CCDC157: variants seen among roughly 807,000 people sequenced by gnomAD.
CCDC157 encodes coiled-coil domain-containing protein 157.
CCDC157 carries 60 observed loss-of-function variants against 70.9 expected under a neutral mutation model. The observed-to-expected ratio is 0.85, with a 90% CI of 0.69 to 1.05. The LOEUF (loss-of-function observed/expected upper bound fraction) is 1.05, where lower values mean the gene tolerates loss of function less well. Ranked by LOEUF, CCDC157 falls within the 50% of genes least tolerant of loss-of-function variation. The pLI, the probability that CCDC157 is intolerant of heterozygous loss-of-function variation, is 0.00. For missense variants in CCDC157, 943 were observed against 984.2 expected, an observed-to-expected ratio of 0.96 and a Z score of 0.56; for synonymous variants, 373 against 422.4, an observed-to-expected ratio of 0.88 and a Z score of 1.43.
At chr22:30,374,881 T>C in intron 9 of CCDC157, 1 of 362,724 alleles carries the variant, frequency 2.8e-6, no homozygotes, top group East Asian at 8.0e-5. Flanking sequence ...GACAGCTCAC[T>C]TTGGCTGTAG....
intron 9 of CCDC157, chr22:30,374,834 C>A (rs1188152907): frequency 2.3e-6 from 1 of 436,556 alleles, no homozygotes; most frequent in Non-Finnish European, 4.6e-6. Flanking sequence ...GGCGGAATTC[C>A]TGCCGTTCCC....
At chr22:30,373,412 G>A in intron 7 of CCDC157, 185 bp from the exon 8 acceptor site, 1 of 634,776 alleles carries the variant, frequency 1.6e-6, no homozygotes, top group Non-Finnish European at 2.7e-6. Context: ...GTGTGCATCT[G>A]CCTGCTGCCA....
intron 6 of CCDC157, 68 bp from the exon 7 acceptor site, chr22:30,372,007 C>T (rs1485223981): frequency 1.4e-5 from 15 of 1,072,544 alleles, no homozygotes; most frequent in East Asian, 2.6e-5. Context: ...TGTGAGCTCC[C>T]GTCCTAGGTC....
intron 5 of CCDC157, 176 bp downstream of exon 5, chr22:30,371,126 T>C (rs1932921054): frequency 1.3e-6 from 1 of 757,350 alleles, no homozygotes; most frequent in East Asian, 2.7e-5. Context: ...CATCCGGTGG[T>C]GACACTGTGA....
At chr22:30,360,023 T>C (rs977476072) in intron 1 of CCDC157, among the ~76,000 whole-genome samples, 10 of 152,138 alleles carry the variant, frequency 6.6e-5, no homozygotes, top group African/African-American at 2.4e-4. Context: ...CACCCACCTG[T>C]AGTCCTACCT....
intron 1 of CCDC157, among the ~76,000 whole-genome samples, chr22:30,360,837 G>A (rs35293738): frequency 0.2 from 30,631 of 152,064 alleles, 3,346 homozygotes; most frequent in Middle Eastern, 0.35. Flanking sequence ...CATGAGGTCA[G>A]GAGTTTGAGA....
intron 6 of CCDC157, 26 bp downstream of exon 6, chr22:30,371,753 A>T (rs376947614): frequency 1.1e-5 from 17 of 1,573,292 alleles, no homozygotes; most frequent in East Asian, 8.9e-5. Flanking sequence ...ATAGGCCCCC[A>T]TGCCACATCT....
chr22:30,362,057 G>A lies in CCDC157; in HGVS notation c.-69G>A, dbSNP rs558548836. 3.3e-5 allele frequency: 5 copies of A among 152,596 alleles called. No individual in the cohort carries two copies. The highest frequency in any genetic ancestry group is 7.3e-5 in the Non-Finnish European group (5 of 68,248). The allele number at this position is 152,596 out of a possible 1,614,324, so 9.5% of individuals were successfully genotyped here. A position where few individuals can be genotyped will look rare whatever the true frequency, so the allele number is the denominator to read the frequency against. ...CCAGAGCCCTGGAGCCCATAGGCTC[G>A]TCTGAGAACTAGACACACTCAGTCA... is the stretch of plus-strand genomic sequence containing the variant. On this transcript the variant is annotated 5_prime_UTR_variant, in exon 2 of 12. Transcript: ENST00000338306.
intron 2 of CCDC157, 60 bp from the exon 3 acceptor site, chr22:30,365,930 G>T: frequency 6.8e-7 from 1 of 1,479,318 alleles, no homozygotes; most frequent in Non-Finnish European, 9.1e-7. Flanking sequence ...GTTTCAGGGA[G>T]TTTCCTCCTG....
rs921789110 is a variant in CCDC157, at chr22:30,366,312, A to C, written c.248+64A>C. The C allele has an allele frequency of 2.5e-6, 4 of 1,597,618 alleles. No homozygotes were observed. In the African/African-American group the frequency reaches 5.4e-5, roughly 21 times the overall value. On this transcript the variant is annotated intron_variant, in intron 3 of 11. Transcript: ENST00000338306. ...AGCACCTGCCCCTGAAACCAGTGGC[A>C]GCTACGGAAGCCCCTCCAGAGGCAG... is the stretch of plus-strand genomic sequence containing the variant.
At chr22:30,376,052 G>A in intron 10 of CCDC157, 1 of 563,054 alleles carries the variant, frequency 1.8e-6, no homozygotes, top group Non-Finnish European at 3.1e-6. Flanking sequence ...ATGTCAGAAA[G>A]AAACCTCCCC....
In CCDC157 at chr22:30,369,575, G is replaced by A; in HGVS notation, c.392G>A (p.Gly131Asp). ...RRFWDSLLRLGTLHQQPLPQK... is the reference protein window; with the variant it reads ...RRFWDSLLRLDTLHQQPLPQK... ...TTCTGGGACAGCCTGCTGAGGCTGGGCACGCTCCACCAGCAGCCACTCCCC... is the reference window on the plus strand; with the variant it reads ...TTCTGGGACAGCCTGCTGAGGCTGGACACGCTCCACCAGCAGCCACTCCCC... Residue 131 changes from glycine (G) to aspartate (D), a missense_variant, in exon 4 of 12, where the codon GGC (glycine) becomes GAC (aspartate). Physicochemically the swap from Gly to Asp is moderately conservative, Grantham distance 94. Coordinates refer to ENST00000338306, the MANE Select transcript of CCDC157 (RefSeq NM_001017437.5). 1.3e-6 allele frequency: 2 copies of A among 1,584,310 alleles called. No homozygotes were observed. The highest frequency in any genetic ancestry group is 8.6e-7 in the Non-Finnish European group (1 of 1,167,382).
At chr22:30,367,262 T>C (rs577720898) in intron 3 of CCDC157, among the ~76,000 whole-genome samples, 79 of 151,538 alleles carry the variant, frequency 5.2e-4, no homozygotes, top group Middle Eastern at 6.8e-3. Context: ...TTTTTTTTTT[T>C]CTTCGGAGTT....
Position 30,372,250 on chromosome 22 carries a change from G to T in CCDC157, c.1299G>T (p.Glu433Asp). 6.3e-7 allele frequency: 1 copy of T among 1,594,552 alleles called. No homozygotes were observed. ...VCWASTELDK[E>D]KARVDSMVRH... ...GGGCCAGCACGGAGCTGGATAAGGA[G>T]AAGGCCCGTGTCGACAGCATGGTCC... is the stretch of plus-strand genomic sequence containing the variant. Residue 433 changes from glutamate to aspartate, a missense_variant, in exon 7 of 12, where the codon GAG (glutamate) becomes GAT (aspartate). Transcript: ENST00000338306.
chr22:30,376,351 A>G lies in CCDC157; in HGVS notation c.1946+4A>G. ...AGGCCAAGAGCACATCCCCAGGGTG[A>G]GTGAGGCTTTACTGGAGGTGGGGCA... is the stretch of plus-strand genomic sequence containing the variant. On this transcript the variant is annotated splice_donor_region_variant and intron_variant, in intron 11 of 11. Coordinates refer to ENST00000338306, the MANE Select transcript of CCDC157 (RefSeq NM_001017437.5). 6.2e-7 allele frequency: 1 copy of G among 1,613,192 alleles called. No individual in the cohort carries two copies. The highest frequency in any genetic ancestry group is 2.2e-5 in the East Asian group (1 of 44,832).
intron 9 of CCDC157, chr22:30,374,800 A>C (rs1484650245): frequency 2.2e-6 from 1 of 453,644 alleles, no homozygotes; most frequent in Non-Finnish European, 4.4e-6. Context: ...AGCATCCATC[A>C]CAAAAGCAGG....
rs547818832 is a variant in CCDC157, at chr22:30,375,739, G to T, written c.1857+76G>T. ...GCAGCAGGTCTTCAGACTCTGCCCCGGGAACTTGTGGAGAGCCCACCTCAT... is the reference window on the plus strand; with the variant it reads ...GCAGCAGGTCTTCAGACTCTGCCCCTGGAACTTGTGGAGAGCCCACCTCAT... On this transcript the variant is annotated intron_variant, in intron 10 of 11. Transcript: ENST00000338306. 13 of 1,336,506 alleles carry T rather than the reference G, an allele frequency of 9.7e-6. No individual in the cohort carries two copies. In the East Asian group the frequency reaches 9.9e-5, roughly 10 times the overall value. 82.8% of individuals were successfully genotyped at this position (1,336,506 alleles called of 1,614,324 possible).
rs1933352257 is a variant in CCDC157 at position 30,376,254 on chromosome 22, T to G, written c.1858-5T>G. ...ATAAGACTGGCTTTTTTTTTTTTTT[T>G]GTAGCTGATCCCGCAGGACCGGCTC... On this transcript the variant is annotated splice_polypyrimidine_tract_variant and splice_region_variant and intron_variant, in intron 10 of 11. Transcript: ENST00000338306. 3 of 1,605,126 alleles carry G rather than the reference T, an allele frequency of 1.9e-6. No homozygotes were observed. The highest frequency in any genetic ancestry group is 1.7e-4 in the Middle Eastern group (1 of 6,004).
At chr22:30,360,640 G>T (rs1028231280) in intron 1 of CCDC157, among the ~76,000 whole-genome samples, 1 of 152,154 alleles carries the variant, frequency 6.6e-6, no homozygotes, top group East Asian at 1.9e-4. Flanking sequence ...GGCGGGGCGC[G>T]ATAGTTCATG....
Sources: allele counts gnomAD v4.1 joint callset (sites outside exome capture counted in the v4.1 genomes callset), GRCh38; gene constraint gnomAD v4.1.1; transcripts MANE v1.5; gene names NCBI Gene and HGNC (gene_info 2026-07-23, HGNC 2026-07-21).